The following CRYL1 variants were observed in gnomAD, a reference collection of about 807,000 sequenced individuals.
CRYL1 encodes the protein lambda-crystallin homolog.
CRYL1 carries 29 observed loss-of-function variants against 36.6 expected under a neutral mutation model. The observed-to-expected ratio is 0.79, with a 90% CI of 0.59 to 1.08. The LOEUF (loss-of-function observed/expected upper bound fraction) is 1.08. Among genes scored for constraint, CRYL1 ranks in the 50% least tolerant of loss-of-function variants. The pLI is 0.00. For missense variants in CRYL1, 411 were observed against 407.9 expected, an observed-to-expected ratio of 1.01 and a Z score of -0.06; for synonymous variants, 152 against 151.5, an observed-to-expected ratio of 1.00 and a Z score of -0.02.
At chr13:20,477,877 T>C (rs1384949470) in intron 3 of CRYL1, among the ~76,000 whole-genome samples, 2 of 59,298 alleles carry the variant, frequency 3.4e-5, no homozygotes, top group Non-Finnish European at 6.2e-5. Context: ...TATATGATAA[T>C]ATATAATACT....
At chr13:20,433,591 G>A (rs2032125743) in intron 4 of CRYL1, among the ~76,000 whole-genome samples, 2 of 152,174 alleles carry the variant, frequency 1.3e-5, no homozygotes, top group Admixed American at 6.5e-5. Context: ...ATGGTAAATC[G>A]ATGCCTCGGT....
At position 20,472,107 on chromosome 13, in the gene CRYL1, C is replaced by T. The variant is rs150588992; in HGVS notation, c.276+17263G>A. On this transcript the variant is annotated intron_variant, in intron 3 of 7. Coordinates refer to ENST00000298248, the MANE Select transcript of CRYL1 (RefSeq NM_015974.3). ...AACTCCTGACCTCAGGTGATCCACC[C>T]GCCTTAGCCTCCCAAAGTGTTAAGA... is the stretch of plus-strand genomic sequence containing the variant. Among the ~76,000 whole-genome samples the T allele has an allele frequency of 1.1e-3, 164 of 152,174 alleles. 1 individual carries two copies. The highest frequency in any genetic ancestry group is 3.3e-3 in the African/African-American group (137 of 41,530).
intron 5 of CRYL1, among the ~76,000 whole-genome samples, chr13:20,427,650 T>G (rs1393390569): frequency 1.2e-4 from 15 of 129,184 alleles, no homozygotes; most frequent in Non-Finnish European, 3.2e-5. Flanking sequence ...CGGCTGCAGG[T>G]GTAAAAATAT....
intron 6 of CRYL1, chr13:20,405,833 G>T (rs1036387843): frequency 6.6e-6 from 1 of 152,366 alleles, no homozygotes; most frequent in African/African-American, 2.4e-5. Flanking sequence ...GCGCCCAGGG[G>T]AAAGCGCAGG....
At chr13:20,424,634 C>T (rs2031893623) in intron 5 of CRYL1, among the ~76,000 whole-genome samples, 1 of 152,168 alleles carries the variant, frequency 6.6e-6, no homozygotes, top group African/African-American at 2.4e-5. Flanking sequence ...CAGATGCTGT[C>T]AGAGGAGACA....
chr13:20,420,701 TTGTGTG>T lies in CRYL1; in HGVS notation c.634-7320_634-7315del, dbSNP rs1555226402. 6.6e-3 allele frequency among the ~76,000 whole-genome samples: 144 copies of T among 21,874 alleles called. 10 individuals are homozygous for T. Among genetic ancestry groups the T allele is most frequent in the African/African-American group, 0.014 (135 of 9,520 alleles). 14.4% of individuals were successfully genotyped at this position (21,874 alleles called of 152,430 possible). A position where few individuals can be genotyped will look rare whatever the true frequency, so the allele number is the denominator to read the frequency against. ...CTTTGACTTTTCTTTAAAATAGAGG[TTGTGTG>T]TGTGTGTGTGTGTGTGTGTGTGTGT... On this transcript the variant is annotated intron_variant, in intron 5 of 7. Transcript: ENST00000298248.
chr13:20,413,391 C>G lies in CRYL1; in HGVS notation c.634-4G>C. ...CACTAGGAGACACGATTCCTTCCTA[C>G]GTGGAGAAATTGGGCGGCATAGATG... is the stretch of plus-strand genomic sequence containing the variant. On this transcript the variant is annotated splice_polypyrimidine_tract_variant and splice_region_variant and intron_variant, in intron 5 of 7. Transcript: ENST00000298248. 1 of 1,595,866 alleles carries G rather than the reference C, an allele frequency of 6.3e-7. No homozygotes were observed. The highest frequency in any genetic ancestry group is 1.1e-5 in the South Asian group (1 of 89,944).
At chr13:20,493,424 C>G (rs968318719) in intron 2 of CRYL1, among the ~76,000 whole-genome samples, 12 of 152,102 alleles carry the variant, frequency 7.9e-5, no homozygotes, top group African/African-American at 2.7e-4. Flanking sequence ...CTTTGGGAGG[C>G]CGAGGTGGGC....
At chr13:20,460,621 G>A (rs2137430803) in intron 3 of CRYL1, among the ~76,000 whole-genome samples, 1 of 136,824 alleles carries the variant, frequency 7.3e-6, no homozygotes, top group South Asian at 2.4e-4. Flanking sequence ...CGCCACCCGG[G>A]TTCACGCCAT....
In CRYL1 at chr13:20,417,829, TA is replaced by T. The variant is rs141340117; in HGVS notation, c.634-4443del. On this transcript the variant is annotated intron_variant, in intron 5 of 7. Coordinates refer to ENST00000298248, the MANE Select transcript of CRYL1 (RefSeq NM_015974.3). The stretch of plus-strand genomic sequence containing the variant: ...GTAGGAGAAAATGCAAGATAGTTAA[TA>T]ACGTACCCAACTGCTATGAAACAAA... Among the ~76,000 whole-genome samples, 1,369 of 152,296 alleles carry T rather than the reference TA, an allele frequency of 9.0e-3. 17 individuals carry two copies. Among genetic ancestry groups the T allele is most frequent in the African/African-American group, 0.032 (1,326 of 41,548 alleles).
chr13:20,432,370 G>T, intron 4 of CRYL1, 74 bp from the exon 5 acceptor site: 1 of 1,073,158 alleles, frequency 9.3e-7, no homozygotes, highest in Non-Finnish European at 1.4e-6. Context: ...ACCCTGAATG[G>T]TCAGGAGCAG....
At chr13:20,517,093 C>A (rs1286585889) in intron 1 of CRYL1, among the ~76,000 whole-genome samples, 1 of 152,052 alleles carries the variant, frequency 6.6e-6, no homozygotes, top group East Asian at 1.9e-4. Context: ...AGAAGGTAAT[C>A]TTGCTCTACC....
chr13:20,463,861 T>C (rs1364954815), intron 3 of CRYL1, among the ~76,000 whole-genome samples: 1 of 152,050 alleles, frequency 6.6e-6, no homozygotes, highest in East Asian at 1.9e-4. Flanking sequence ...AACGCACAAA[T>C]CCTGCAAGCC....
At chr13:20,500,935 G>T (rs936311617) in intron 2 of CRYL1, among the ~76,000 whole-genome samples, 3 of 152,102 alleles carry the variant, frequency 2.0e-5, no homozygotes, top group African/African-American at 7.2e-5. Context: ...AAGTGTTGAA[G>T]AACTGAAACT....
chr13:20,410,056 T>G (rs1371548620), intron 6 of CRYL1, among the ~76,000 whole-genome samples: 2 of 151,878 alleles, frequency 1.3e-5, no homozygotes, highest in Non-Finnish European at 2.9e-5. Context: ...GGACTATAAA[T>G]CATGCTGCTA....
At chr13:20,470,200 T>G (rs895628568) in intron 3 of CRYL1, among the ~76,000 whole-genome samples, 12 of 152,198 alleles carry the variant, frequency 7.9e-5, no homozygotes, top group African/African-American at 2.9e-4. Flanking sequence ...CAGCAGGACC[T>G]CCCTTCTGGT....
intron 5 of CRYL1, chr13:20,430,947 C>T (rs775126463): frequency 5.2e-5 from 51 of 985,284 alleles, no homozygotes; most frequent in African/African-American, 5.2e-5. Context: ...TTCAAACCGC[C>T]GCCCTAACAG....
At chr13:20,447,388 G>A (rs2032478720) in intron 3 of CRYL1, among the ~76,000 whole-genome samples, 1 of 152,058 alleles carries the variant, frequency 6.6e-6, no homozygotes, top group South Asian at 2.1e-4. Context: ...TTATCCCTGG[G>A]GGAGAGGCAG....
intron 4 of CRYL1, 122 bp from the exon 5 acceptor site, chr13:20,432,418 G>C (rs532932998): frequency 1.7e-6 from 1 of 601,110 alleles, no homozygotes; most frequent in East Asian, 2.9e-5. Context: ...AGATTCAGTG[G>C]CCAACAACAA....
Sources: gnomAD v4.1 joint callset for allele counts (sites outside exome capture counted in the v4.1 genomes callset) on GRCh38, gnomAD v4.1.1 for gene constraint, MANE v1.5 for transcripts, NCBI Gene and HGNC (gene_info 2026-07-23, HGNC 2026-07-21) for gene names.